PRRT1B: variants seen among roughly 807,000 people sequenced by gnomAD.
PRRT1B encodes proline rich transmembrane protein 1B.
intron 1 of PRRT1B, among the ~76,000 whole-genome samples, chr9:131,552,844 T>A (rs1483833346): frequency 8.1e-6 from 1 of 123,696 alleles, no homozygotes; most frequent in Non-Finnish European, 1.7e-5. Flanking sequence ...GGTTAATTTT[T>A]TTTTTTTTTT....
chr9:131,549,690 C>T (rs951411847), intron 1 of PRRT1B, among the ~76,000 whole-genome samples: 18 of 152,316 alleles, frequency 1.2e-4, no homozygotes, highest in Admixed American at 9.1e-4. Context: ...ACATTACCTT[C>T]AAGGGCCTGT....
chr9:131,552,921 G>A (rs904742952), intron 1 of PRRT1B, among the ~76,000 whole-genome samples: 1 of 149,722 alleles, frequency 6.7e-6, no homozygotes, highest in African/African-American at 2.5e-5. Flanking sequence ...GCTGAGCTCA[G>A]ATGATCCACC....
At chr9:131,556,664 G>C (rs1307413208) in intron 3 of PRRT1B, among the ~76,000 whole-genome samples, 1 of 149,154 alleles carries the variant, frequency 6.7e-6, no homozygotes, top group Non-Finnish European at 1.5e-5. Flanking sequence ...ACAGAGTCTT[G>C]CTCTGTTGCC....
chr9:131,554,355 C>T (rs1019000674), intron 1 of PRRT1B, among the ~76,000 whole-genome samples: 3 of 152,204 alleles, frequency 2.0e-5, no homozygotes, highest in African/African-American at 7.2e-5. Context: ...GCCTGGGTTC[C>T]CACCCAGATG....
intron 1 of PRRT1B, among the ~76,000 whole-genome samples, chr9:131,546,260 G>A (rs1950973856): frequency 6.6e-6 from 1 of 152,162 alleles, no homozygotes; most frequent in African/African-American, 2.4e-5. Context: ...GAGACCCCAC[G>A]GGCTAATTCG....
At chr9:131,555,092 C>G (rs898829173) in intron 2 of PRRT1B, 63 bp downstream of exon 2, 69 of 171,554 alleles carry the variant, frequency 4.0e-4, no homozygotes, top group Non-Finnish European at 4.9e-4. Context: ...CGGGGGCGCC[C>G]GTGCGGAGGC....
At chr9:131,557,078 CCATCCATCCCTCTATT>C (rs1288551588) in intron 3 of PRRT1B, among the ~76,000 whole-genome samples, 1 of 152,066 alleles carries the variant, frequency 6.6e-6, no homozygotes, top group Non-Finnish European at 1.5e-5. Context: ...CCCTACCCAT[CCATCCATCCCTCTATT>C]CATCCATCCA....
At chr9:131,557,986 C>T (rs529298862) in intron 3 of PRRT1B, 67 bp from the exon 4 acceptor site, 8 of 398,404 alleles carry the variant, frequency 2.0e-5, no homozygotes, top group South Asian at 1.3e-4. Flanking sequence ...AGCCCTCAAT[C>T]GCACTGGGAG....
chr9:131,556,712 A>C (rs1286980146), intron 3 of PRRT1B, among the ~76,000 whole-genome samples: 1 of 151,186 alleles, frequency 6.6e-6, no homozygotes, highest in Admixed American at 6.6e-5. Flanking sequence ...GCTCACTGCA[A>C]CCTCCACCCT....
At chr9:131,548,905 G>A (rs1387733054) in intron 1 of PRRT1B, among the ~76,000 whole-genome samples, 1 of 152,112 alleles carries the variant, frequency 6.6e-6, no homozygotes, top group Non-Finnish European at 1.5e-5. Context: ...GGAGCTAAAG[G>A]CATAGTCAAG....
At chr9:131,548,603 C>T (rs1163082914) in intron 1 of PRRT1B, among the ~76,000 whole-genome samples, 1 of 152,152 alleles carries the variant, frequency 6.6e-6, no homozygotes, top group Non-Finnish European at 1.5e-5. Context: ...GTTCCCAATG[C>T]AACTTGTCCC....
intron 1 of PRRT1B, among the ~76,000 whole-genome samples, chr9:131,552,098 C>T (rs1295715497): frequency 3.9e-5 from 6 of 152,152 alleles, no homozygotes; most frequent in South Asian, 2.1e-4. Flanking sequence ...CAGCCATGTT[C>T]GCCTCTCTAA....
chr9:131,557,267 G>A (rs1951056708), intron 3 of PRRT1B, among the ~76,000 whole-genome samples: 1 of 152,184 alleles, frequency 6.6e-6, no homozygotes, highest in Non-Finnish European at 1.5e-5. Flanking sequence ...GGCTGGGCAT[G>A]GTGGCTCACA....
intron 1 of PRRT1B, among the ~76,000 whole-genome samples, chr9:131,552,534 C>T (rs1951018405): frequency 1.3e-5 from 2 of 152,188 alleles, no homozygotes; most frequent in Admixed American, 1.3e-4. Flanking sequence ...AGGCAGTCAG[C>T]CTGCGTAGTT....
At chr9:131,545,810 G>T (rs76530498) in intron 1 of PRRT1B, among the ~76,000 whole-genome samples, 170 bp downstream of exon 1, 11,960 of 147,756 alleles carry the variant, frequency 0.081, 629 homozygotes, top group Admixed American at 0.13. Flanking sequence ...GATACCAGAG[G>T]GTCGGCTGCT....
chr9:131,555,303 A>G (rs1482250197), intron 2 of PRRT1B, among the ~76,000 whole-genome samples: 2 of 152,122 alleles, frequency 1.3e-5, no homozygotes, highest in South Asian at 2.1e-4. Context: ...TTGGCTTGGT[A>G]GGGAGGGCAG....
At chr9:131,553,456 G>A (rs541808406) in intron 1 of PRRT1B, among the ~76,000 whole-genome samples, 3 of 152,354 alleles carry the variant, frequency 2.0e-5, no homozygotes, top group South Asian at 2.1e-4. Flanking sequence ...TATAAACAGC[G>A]TGGCAGGTGT....
intron 1 of PRRT1B, among the ~76,000 whole-genome samples, chr9:131,549,573 T>A (rs1389031894): frequency 6.6e-6 from 1 of 152,190 alleles, no homozygotes; most frequent in African/African-American, 2.4e-5. Flanking sequence ...CGCTGCCCGA[T>A]CGCCTCAGAA....
chr9:131,554,488 C>T, intron 1 of PRRT1B, 69 bp from the exon 2 acceptor site: 2 of 370,180 alleles, frequency 5.4e-6, no homozygotes, highest in Non-Finnish European at 9.7e-6. Flanking sequence ...TTCGTGGGAA[C>T]TGCGGGACCA....
Sources: allele counts gnomAD v4.1 joint callset (sites outside exome capture counted in the v4.1 genomes callset), GRCh38; gene constraint gnomAD v4.1.1; transcripts MANE v1.5; gene names NCBI Gene and HGNC (gene_info 2026-07-23, HGNC 2026-07-21).